The following LYPD6B variants were observed in gnomAD, a reference collection of about 807,000 sequenced individuals.
LYPD6B encodes ly6/PLAUR domain-containing protein 6B.
Under a neutral mutation model 22.8 loss-of-function variants are expected in LYPD6B, and 17 were observed. The ratio of observed to expected loss-of-function variants is 0.75; its 90% CI spans 0.51 to 1.12. The LOEUF (loss-of-function observed/expected upper bound fraction) is 1.12. LYPD6B is among the 50% of genes most tolerant of loss of function. LYPD6B has a pLI of 0.00. For missense variants in LYPD6B, 221 were observed against 258.3 expected (o/e 0.86, Z 0.99); for synonymous variants, 106 against 91.6 (o/e 1.16, Z -0.90).
At chr2:149,107,323 G>T (rs1686528095) in intron 1 of LYPD6B, among the ~76,000 whole-genome samples, 1 of 152,154 alleles carries the variant, frequency 6.6e-6, no homozygotes, top group South Asian at 2.1e-4. Context: ...CCTTCCTGGT[G>T]GGATGAAGCT....
chr2:149,122,364 G>A (rs549818991), intron 1 of LYPD6B, among the ~76,000 whole-genome samples: 1 of 151,634 alleles, frequency 6.6e-6, no homozygotes, highest in South Asian at 2.1e-4. Flanking sequence ...AGGTTTTGAT[G>A]GAGGCATGTT....
chr2:149,208,246 A>G, intron 4 of LYPD6B, 68 bp from the exon 5 acceptor site: 1 of 1,050,150 alleles, frequency 9.5e-7, no homozygotes, highest in Non-Finnish European at 1.5e-6. Flanking sequence ...CTCATTTTGT[A>G]CCATGTTTGA....
chr2:149,179,109 G>A (rs114961800), intron 3 of LYPD6B, among the ~76,000 whole-genome samples: 388 of 152,284 alleles, frequency 2.5e-3, no homozygotes, highest in African/African-American at 8.9e-3. Flanking sequence ...ATGCTGGCTG[G>A]CCTGCTCCCA....
chr2:149,048,988 TC>T (rs776775071), intron 1 of LYPD6B, among the ~76,000 whole-genome samples: 1 of 152,152 alleles, frequency 6.6e-6, no homozygotes, highest in Non-Finnish European at 1.5e-5. Context: ...GTTTATAAGC[TC>T]CCCAGGTGAG....
chr2:149,178,861 T>A (rs2105975267), intron 3 of LYPD6B, among the ~76,000 whole-genome samples: 1 of 152,300 alleles, frequency 6.6e-6, no homozygotes, highest in Admixed American at 6.5e-5. Flanking sequence ...CCTTCCCCGA[T>A]GGAATGAGAG....
At chr2:149,128,295 T>A (rs1378594220) in intron 1 of LYPD6B, among the ~76,000 whole-genome samples, 1 of 152,206 alleles carries the variant, frequency 6.6e-6, no homozygotes, top group Non-Finnish European at 1.5e-5. Context: ...GAAATGGCAT[T>A]TAGGGATGTT....
At chr2:149,086,656 A>G (rs1308686605) in intron 1 of LYPD6B, among the ~76,000 whole-genome samples, 1 of 152,186 alleles carries the variant, frequency 6.6e-6, no homozygotes, top group Non-Finnish European at 1.5e-5. Context: ...GAGGTGTATT[A>G]GTTTGCTAGA....
At chr2:149,080,867 A>AAAAAAAAAAAAAAT (rs1491182913) in intron 1 of LYPD6B, among the ~76,000 whole-genome samples, 1 of 108,674 alleles carries the variant, frequency 9.2e-6, no homozygotes, top group Admixed American at 9.1e-5. Context: ...AAAAAAAAAA[A>AAAAAAAAAAAAAAT]CCACACAAAA....
At chr2:149,180,653 C>T (rs1032151721) in intron 3 of LYPD6B, among the ~76,000 whole-genome samples, 25 of 152,332 alleles carry the variant, frequency 1.6e-4, no homozygotes, top group Admixed American at 4.6e-4. Context: ...AACAGGCTCC[C>T]GGTCTCACTT....
In LYPD6B at chr2:149,053,753, A is replaced by G. The variant is rs79766160; in HGVS notation, c.-67+14952A>G. Among the ~76,000 whole-genome samples the G allele has an allele frequency of 3.2e-3, 490 of 152,162 alleles. 3 individuals carry two copies. Among genetic ancestry groups the G allele is most frequent in the African/African-American group, 0.011 (464 of 41,522 alleles). On this transcript the variant is annotated intron_variant, in intron 1 of 6. Transcript: ENST00000409642. Reference sequence around the variant, plus strand: ...TTGCTTCCTGTTCCCACCTCCCCCCATTCCCTGGCAACCACTACTCCACTT... The same window carrying G: ...TTGCTTCCTGTTCCCACCTCCCCCCGTTCCCTGGCAACCACTACTCCACTT...
intron 1 of LYPD6B, chr2:149,069,021 A>C: frequency 6.5e-6 from 1 of 154,528 alleles, no homozygotes; most frequent in Admixed American, 6.5e-5. Context: ...CCCTGTCCAT[A>C]CCTTTCTGAA....
intron 3 of LYPD6B, among the ~76,000 whole-genome samples, chr2:149,165,438 A>G (rs992896847): frequency 2.0e-5 from 3 of 152,164 alleles, no homozygotes; most frequent in Admixed American, 2.0e-4. Context: ...TCATTTAAAA[A>G]TCCTGGAATA....
At chr2:149,080,104 C>T (rs1685058044) in intron 1 of LYPD6B, among the ~76,000 whole-genome samples, 1 of 152,182 alleles carries the variant, frequency 6.6e-6, no homozygotes, top group South Asian at 2.1e-4. Flanking sequence ...AGAAATTTAT[C>T]ATCTCACTGT....
chr2:149,172,266 G>A (rs78281367), intron 3 of LYPD6B, among the ~76,000 whole-genome samples: 2,139 of 152,210 alleles, frequency 0.014, 45 homozygotes, highest in African/African-American at 0.049. Flanking sequence ...AGCCACCCCC[G>A]TGATTCAATT....
At chr2:149,188,744 A>C (rs868208559) in intron 3 of LYPD6B, 1 of 912,172 alleles carries the variant, frequency 1.1e-6, no homozygotes, top group Non-Finnish European at 1.3e-6. Context: ...AGTTTTAAAC[A>C]TACTTACCTC....
At chr2:149,176,034 C>A (rs918900499) in intron 3 of LYPD6B, among the ~76,000 whole-genome samples, 9 of 152,264 alleles carry the variant, frequency 5.9e-5, no homozygotes, top group African/African-American at 2.2e-4. Context: ...GTAACATAGT[C>A]ATTTATTATC....
chr2:149,189,342 T>TATATATATATATATATATA (rs1692328364), intron 3 of LYPD6B, among the ~76,000 whole-genome samples: 4 of 66,110 alleles, frequency 6.1e-5, no homozygotes, highest in African/African-American at 6.1e-5. Flanking sequence ...TTGTCCAAAA[T>TATATATATATATATATATA]TATATATATA....
chr2:149,212,936 A>G (rs763911743), intron 5 of LYPD6B, 56 bp from the exon 6 acceptor site: 56 of 1,559,284 alleles, frequency 3.6e-5, no homozygotes, highest in Non-Finnish European at 4.7e-5. Context: ...CTTTTGTAAT[A>G]TGGATATTGA....
At chr2:149,068,765 T>C (rs888824071) in intron 1 of LYPD6B, 6 of 504,228 alleles carry the variant, frequency 1.2e-5, no homozygotes, top group African/African-American at 9.8e-5. Context: ...CATGTTAGAA[T>C]ACTTTTCAGA....
Sources: allele counts gnomAD v4.1 joint callset (sites outside exome capture counted in the v4.1 genomes callset), GRCh38; gene constraint gnomAD v4.1.1; transcripts MANE v1.5; gene names NCBI Gene and HGNC (gene_info 2026-07-23, HGNC 2026-07-21).